XAB2: variants seen among roughly 807,000 people sequenced by gnomAD.
XAB2 encodes XPA binding protein 2.
Under a neutral mutation model 113.4 loss-of-function variants are expected in XAB2, and 57 were observed. The observed-to-expected ratio is 0.50, with a 90% CI of 0.41 to 0.63. The LOEUF (loss-of-function observed/expected upper bound fraction) is 0.63. XAB2 is among the 20% of genes least tolerant of loss of function. XAB2 has a pLI of 0.00. For synonymous variants in XAB2, 497 were observed against 498.8 expected (o/e 1.00, Z 0.05); for missense variants, 1,037 against 1,233.3 (o/e 0.84, Z 2.38).
In XAB2 at chr19:7,627,917, C is replaced by T; in HGVS notation, c.201-66G>A. 6.3e-7 allele frequency: 1 copy of T among 1,575,294 alleles called. No individual in the cohort carries two copies. The highest frequency in any genetic ancestry group is 1.3e-5 in the African/African-American group (1 of 74,242). Reference sequence around the variant, plus strand: ...ATGGACACCCCCAGAACCATTTGCCCTGCCCCAGTTGGCAAATGTGGGAAG... The same window carrying T: ...ATGGACACCCCCAGAACCATTTGCCTTGCCCCAGTTGGCAAATGTGGGAAG... On this transcript the variant is annotated intron_variant, in intron 2 of 18. Transcript: ENST00000358368. The surrounding 1 kb of genome is among the most constrained non-coding windows in gnomAD (Gnocchi z 4.5).
At chr19:7,621,095 G>GA in intron 13 of XAB2, 40 bp downstream of exon 13, 20 of 1,486,314 alleles carry the variant, frequency 1.3e-5, no homozygotes, top group South Asian at 8.7e-5. Flanking sequence ...CAGAAACCCA[G>GA]CCCGCCCGCC....
intron 13 of XAB2, 33 bp downstream of exon 13, chr19:7,621,102 C>CCCCCCCCCCCCCCT: frequency 1.3e-6 from 2 of 1,510,586 alleles, no homozygotes; most frequent in South Asian, 1.2e-5. Context: ...CCAGCCCGCC[C>CCCCCCCCCCCCCCT]GCCACCCCCC....
In XAB2 at chr19:7,620,984, A is replaced by G. The variant is rs1370450283; in HGVS notation, c.1833T>C (p.His611=). 6.4e-7 allele frequency: 1 copy of G among 1,570,446 alleles called. No individual in the cohort carries two copies. The highest frequency in any genetic ancestry group is 8.6e-7 in the Non-Finnish European group (1 of 1,159,098). The change falls in exon 14 of 19, where the codon CAT becomes CAC. Residue 611 remains histidine (H), a synonymous_variant. Transcript: ENST00000358368. ...QLEEEWGLAR[H]AMAVYERATR... ...TGGCACGCTCGTACACGGCCATGGCATGCCGGGCCAGGCCCCACTCCTCCT... is the reference window on the plus strand; with the variant it reads ...TGGCACGCTCGTACACGGCCATGGCGTGCCGGGCCAGGCCCCACTCCTCCT...
Position 7,627,660 on chromosome 19 carries a change from T to TGCCCCCCCCCC in XAB2, c.324+67_324+68insGGGGGGGGGGC. On this transcript the variant is annotated intron_variant, in intron 3 of 18. Transcript: ENST00000358368. The surrounding 1 kb of genome is among the most constrained non-coding windows in gnomAD (Gnocchi z 4.5). ...CCTAACATGCTGAGCCCAGCCCCTG[T>TGCCCCCCCCCC]CCCCGCCCCACCCACCACCATGGAC... 2 of 1,572,294 alleles carry TGCCCCCCCCCC rather than the reference T, an allele frequency of 1.3e-6. No individual in the cohort carries two copies. The highest frequency in any genetic ancestry group is 1.1e-5 in the South Asian group (1 of 89,092).
At position 7,626,258 on chromosome 19, in the gene XAB2, T is replaced by A. The variant is rs1179186302; in HGVS notation, c.535A>T (p.Ser179Cys). 6.2e-7 allele frequency: 1 copy of A among 1,611,130 alleles called. No individual in the cohort carries two copies. Among genetic ancestry groups the A allele is most frequent in the East Asian group, 2.2e-5 (1 of 44,852 alleles). ...YRRFLKLSPE[S>C]AEEYIEYLKS... The stretch of plus-strand genomic sequence containing the variant: ...AGGTACTCAATGTACTCCTCTGCAC[T>A]CTCAGGACTCAGCTGGGGACCGAGC... Residue 179 changes from serine (S) to cysteine (C), a missense_variant, in exon 5 of 19, where the codon AGT (serine) becomes TGT (cysteine). Ser to Cys is a moderately radical substitution (Grantham distance 112, BLOSUM62 -1). Coordinates refer to ENST00000358368, the MANE Select transcript of XAB2 (RefSeq NM_020196.3).
rs767288318 is a variant in XAB2 at position 7,619,940 on chromosome 19, C to T, written c.2396+6G>A. 43 of 1,610,720 alleles carry T rather than the reference C, an allele frequency of 2.7e-5. No individual in the cohort carries two copies. The Admixed American group carries it at 6.8e-4, about 26-fold the overall frequency. ...AGTCCTGTCCCGTCCAAGGATCCGCCCTCACCTCACGAACAGGATCTTGCT... is the reference window on the plus strand; with the variant it reads ...AGTCCTGTCCCGTCCAAGGATCCGCTCTCACCTCACGAACAGGATCTTGCT... On this transcript the variant is annotated splice_donor_region_variant and intron_variant, in intron 17 of 18. Transcript: ENST00000358368.
In XAB2 at chr19:7,625,864, G is replaced by A. The variant is rs368006371; in HGVS notation, c.822+16C>T. 206 of 1,588,342 alleles carry A rather than the reference G, an allele frequency of 1.3e-4. 2 individuals are homozygous for A. The Middle Eastern group carries it at 1.3e-3, about 10-fold the overall frequency. ...GACCCCGCCCCGAACCCAGAGCCCC[G>A]TGTGCCAGCATGCACCTTCTCGAAA... On this transcript the variant is annotated intron_variant, in intron 6 of 18. Transcript: ENST00000358368. The surrounding 1 kb of genome is among the most constrained non-coding windows in gnomAD (Gnocchi z 5.2).
Position 7,623,074 on chromosome 19 carries a change from A to G in XAB2, c.1239+96T>C, listed in dbSNP as rs1253714326. 5.7e-6 allele frequency: 9 copies of G among 1,573,030 alleles called. No individual in the cohort carries two copies. Among genetic ancestry groups the G allele is most frequent in the East Asian group, 2.3e-5 (1 of 44,268 alleles). ...AATGCACATGCACACACACGTGCAC[A>G]CATCCATGCACAAATATGTACACAC... On this transcript the variant is annotated intron_variant, in intron 9 of 18. Transcript: ENST00000358368. The surrounding 1 kb of genome is among the most constrained non-coding windows in gnomAD (Gnocchi z 4.6).
At position 7,623,570 on chromosome 19, in the gene XAB2, C is replaced by T. The variant is rs1315075208; in HGVS notation, c.1119+161G>A. On this transcript the variant is annotated intron_variant, in intron 8 of 18. Coordinates refer to ENST00000358368, the MANE Select transcript of XAB2 (RefSeq NM_020196.3). This position sits in a 1 kb window ranked among gnomAD's most constrained non-coding sequence, Gnocchi z 4.6. ...CAGGAGGGACTGTGGCTCTGAGGGGCGGGGCTCGGGCAGGAGGAGAACCCC... is the reference window on the plus strand; with the variant it reads ...CAGGAGGGACTGTGGCTCTGAGGGGTGGGGCTCGGGCAGGAGGAGAACCCC... 2.0e-5 allele frequency among the ~76,000 whole-genome samples: 3 copies of T among 151,700 alleles called. No individual in the cohort carries two copies. The highest frequency in any genetic ancestry group is 4.8e-5 in the African/African-American group (2 of 41,290).
At position 7,619,966 on chromosome 19, in the gene XAB2, C is replaced by T. The variant is rs147137635; in HGVS notation, c.2376G>A (p.Gln792=). Residue 792 remains glutamine, a synonymous_variant, in exon 17 of 19, where the codon CAG becomes CAA. Coordinates refer to ENST00000358368, the MANE Select transcript of XAB2 (RefSeq NM_020196.3). Reference sequence around the variant, plus strand: ...CTCACCTCACGAACAGGATCTTGCTCTGGGCGCGCAAGGGCTGGTCACGCT... The same window carrying T: ...CTCACCTCACGAACAGGATCTTGCTTTGGGCGCGCAAGGGCTGGTCACGCT... The part of the protein sequence containing the change: ...EAERDQPLRA[Q]SKILFVRSDA... The T allele has an allele frequency of 9.9e-6, 16 of 1,611,736 alleles. No individual in the cohort carries two copies. Among genetic ancestry groups the T allele is most frequent in the Non-Finnish European group, 1.4e-5 (16 of 1,179,950 alleles).
rs4134827 is a variant in XAB2 at position 7,627,174 on chromosome 19, G to C, written c.522+69C>G. ...CCGTCTGCTGGGTGACATCCTACGC[G>C]GAGCTAGTGTCACAGTGAGGCCGTT... On this transcript the variant is annotated intron_variant, in intron 4 of 18. Coordinates refer to ENST00000358368, the MANE Select transcript of XAB2 (RefSeq NM_020196.3). This position sits in a 1 kb window ranked among gnomAD's most constrained non-coding sequence, Gnocchi z 4.5. The C allele has an allele frequency of 2.3e-5, 35 of 1,553,490 alleles. No homozygotes were observed. Among genetic ancestry groups the C allele is most frequent in the Non-Finnish European group, 3.1e-5 (35 of 1,139,202 alleles).
At position 7,624,747 on chromosome 19, in the gene XAB2, A is replaced by G. The variant is rs1389529786; in HGVS notation, c.823-302T>C. On this transcript the variant is annotated intron_variant, in intron 6 of 18. Transcript: ENST00000358368. The surrounding 1 kb of genome is among the most constrained non-coding windows in gnomAD (Gnocchi z 4.2). ...ACATGTGTGAAGCACTTGGCACCCA[A>G]TAGGTGGCCAAAAACCCCCCAGCGC... 2.0e-5 allele frequency among the ~76,000 whole-genome samples: 3 copies of G among 152,138 alleles called. No homozygotes were observed. Among genetic ancestry groups the G allele is most frequent in the African/African-American group, 4.8e-5 (2 of 41,434 alleles).
chr19:7,622,202 T>C (rs928898160), intron 12 of XAB2, 129 bp downstream of exon 12: 6 of 895,084 alleles, frequency 6.7e-6, no homozygotes, highest in Non-Finnish European at 1.1e-5. Flanking sequence ...AGAAGCTAAA[T>C]CTTTGTTGTT....
chr19:7,627,700 C>G lies in XAB2; in HGVS notation c.324+28G>C. The G allele has an allele frequency of 2.5e-6, 4 of 1,612,156 alleles. No homozygotes were observed. In the South Asian group the frequency reaches 4.4e-5, roughly 18 times the overall value. ...CCACCATGGACTGAGCTCCACTTCC[C>G]GATTCATCCCCTCGCCGAGCCCCAA... On this transcript the variant is annotated intron_variant, in intron 3 of 18. Coordinates refer to ENST00000358368, the MANE Select transcript of XAB2 (RefSeq NM_020196.3). This position sits in a 1 kb window ranked among gnomAD's most constrained non-coding sequence, Gnocchi z 4.5.
rs1268556903 is a variant in XAB2, at chr19:7,625,602, C to T, written c.822+278G>A. Among the ~76,000 whole-genome samples, 1 of 151,982 alleles carries T rather than the reference C, an allele frequency of 6.6e-6. No homozygotes were observed. The highest frequency in any genetic ancestry group is 2.4e-5 in the African/African-American group (1 of 41,346). On this transcript the variant is annotated intron_variant, in intron 6 of 18. Coordinates refer to ENST00000358368, the MANE Select transcript of XAB2 (RefSeq NM_020196.3). This position sits in a 1 kb window ranked among gnomAD's most constrained non-coding sequence, Gnocchi z 5.2. ...CAAGCGATTCTCCTGCCTCAGCCTC[C>T]CGAGTAGCTGGGATTACAGGCGCGC...
chr19:7,620,543 C>T lies in XAB2; in HGVS notation c.2094+4G>A, dbSNP rs1371195421. 1 of 1,613,234 alleles carries T rather than the reference C, an allele frequency of 6.2e-7. No individual in the cohort carries two copies. Among genetic ancestry groups the T allele is most frequent in the African/African-American group, 1.3e-5 (1 of 74,924 alleles). On this transcript the variant is annotated splice_donor_region_variant and intron_variant, in intron 15 of 18. Transcript: ENST00000358368. ...CTGATACCCGTCCCTCCCCACAGCC[C>T]TACCCGGGGGTCACAGATCTGGGAG...
rs745392163 is a variant in XAB2, at chr19:7,621,055, G to A, written c.1781-19C>T. ...TACAAGGCTGGGCGGGGTAGGCGGG[G>A]AGAGGGGAGCACGGTCAGCCGGGGC... is the stretch of plus-strand genomic sequence containing the variant. On this transcript the variant is annotated intron_variant, in intron 13 of 18. Coordinates refer to ENST00000358368, the MANE Select transcript of XAB2 (RefSeq NM_020196.3). 3.2e-6 allele frequency: 5 copies of A among 1,542,766 alleles called. No individual in the cohort carries two copies. In the African/African-American group the frequency reaches 6.8e-5, roughly 21 times the overall value.
At position 7,620,479 on chromosome 19, in the gene XAB2, G is replaced by A. The variant is rs574809769; in HGVS notation, c.2095-33C>T. On this transcript the variant is annotated intron_variant, in intron 15 of 18. Transcript: ENST00000358368. Reference sequence around the variant, plus strand: ...GGGGGCAGGGCAGGGGTGGGTGTGTGTGCCCGTGAGCTGGCTGACTCCGCC... The same window carrying A: ...GGGGGCAGGGCAGGGGTGGGTGTGTATGCCCGTGAGCTGGCTGACTCCGCC... 3.1e-6 allele frequency: 5 copies of A among 1,608,354 alleles called. No individual in the cohort carries two copies. In the South Asian group the frequency reaches 5.5e-5, roughly 18 times the overall value.
chr19:7,619,767 T>G lies in XAB2; in HGVS notation c.2486A>C (p.Glu829Ala). 6.2e-7 allele frequency: 1 copy of G among 1,612,690 alleles called. No individual in the cohort carries two copies. Among genetic ancestry groups the G allele is most frequent in the South Asian group, 1.1e-5 (1 of 91,046 alleles). ...CTCACCGTTGGGCTCCAGGTCCATC[T>G]CGTCCTCGTCCTCGTCCTCGCCCAG... ...IQLGEDEDEDEMDLEPNEVRL... is the reference protein window; with the variant it reads ...IQLGEDEDEDAMDLEPNEVRL... The change falls in exon 18 of 19, where the codon GAG becomes GCG. Residue 829 changes from glutamate (E) to alanine (A), a missense_variant. Glu to Ala is a moderately radical substitution (Grantham distance 107). Transcript: ENST00000358368.
Sources: allele counts gnomAD v4.1 joint callset (sites outside exome capture counted in the v4.1 genomes callset), GRCh38; gene constraint gnomAD v4.1.1; non-coding constraint Gnocchi (gnomAD v3.1); transcripts MANE v1.5; gene names NCBI Gene and HGNC (gene_info 2026-07-23, HGNC 2026-07-21).